The following SMAD3 variants were observed in gnomAD, a reference collection of about 807,000 sequenced individuals.
SMAD3 encodes SMAD family member 3, also known as MAD homolog 3.
In SMAD3, 12 loss-of-function variants were observed where a neutral mutation model predicts 51.8. The observed-to-expected ratio is 0.23, with a 90% CI of 0.15 to 0.38. The LOEUF (loss-of-function observed/expected upper bound fraction) is 0.38, where lower values mean the gene tolerates loss of function less well. Among genes scored for constraint, SMAD3 ranks in the 10% least tolerant of loss-of-function variants. The pLI is 1.00. For missense variants in SMAD3, 294 were observed against 565.6 expected, an observed-to-expected ratio of 0.52 and a Z score of 4.87; for synonymous variants, 238 against 227.7, an observed-to-expected ratio of 1.05 and a Z score of -0.41.
At chr15:67,101,126 A>G (rs1319521325) in intron 1 of SMAD3, among the ~76,000 whole-genome samples, 1 of 152,192 alleles carries the variant, frequency 6.6e-6, no homozygotes, top group Non-Finnish European at 1.5e-5. Context: ...TGTCTAGAAC[A>G]ATTCCTGTTG....
chr15:67,103,070 T>G (rs1331066751), intron 1 of SMAD3, among the ~76,000 whole-genome samples: 2 of 152,206 alleles, frequency 1.3e-5, no homozygotes, highest in African/African-American at 4.8e-5. Context: ...CATTTTTGAA[T>G]GCATTAATTT....
chr15:67,089,316 C>A (rs1424737595), intron 1 of SMAD3, among the ~76,000 whole-genome samples: 1 of 152,122 alleles, frequency 6.6e-6, no homozygotes, highest in African/African-American at 2.4e-5. Flanking sequence ...GAAAAATGAG[C>A]CAAATTTCCT....
intron 1 of SMAD3, among the ~76,000 whole-genome samples, chr15:67,130,712 C>T (rs1254153987): frequency 6.6e-6 from 1 of 152,230 alleles, no homozygotes; most frequent in Non-Finnish European, 1.5e-5. Flanking sequence ...ACAGGAAGGA[C>T]ACCATGGGCT....
At chr15:67,093,464 G>C (rs1313818245) in intron 1 of SMAD3, among the ~76,000 whole-genome samples, 3 of 152,204 alleles carry the variant, frequency 2.0e-5, no homozygotes, top group Non-Finnish European at 4.4e-5. Context: ...GATTGTGACT[G>C]TCACGCTCCT....
intron 1 of SMAD3, among the ~76,000 whole-genome samples, chr15:67,121,920 C>A (rs575327821): frequency 1.3e-5 from 2 of 152,178 alleles, no homozygotes; most frequent in Non-Finnish European, 2.9e-5. Context: ...CTATATTGTC[C>A]GATACCTATC....
chr15:67,145,099 T>G (rs893806081), intron 1 of SMAD3, among the ~76,000 whole-genome samples: 1 of 152,178 alleles, frequency 6.6e-6, no homozygotes, highest in Non-Finnish European at 1.5e-5. Context: ...CATTGTTCAG[T>G]CACGTTCTCC....
intron 1 of SMAD3, among the ~76,000 whole-genome samples, chr15:67,149,500 G>A (rs751847370): frequency 1.3e-5 from 2 of 152,154 alleles, no homozygotes; most frequent in East Asian, 3.8e-4. Context: ...TGATGAGGCC[G>A]GCTTAATCGA....
In SMAD3 at chr15:67,164,817, A is replaced by G. The variant is rs896055828; in HGVS notation, c.207-78A>G. 20 of 1,474,638 alleles carry G rather than the reference A, an allele frequency of 1.4e-5. No homozygotes were observed. The Admixed American group carries it at 3.3e-4, about 25-fold the overall frequency. The allele number at this position is 1,474,638 out of a possible 1,614,324, so 91.3% of individuals were successfully genotyped here. ...GGAGAGAGAGCTTTCCAAGTGTCTG[A>G]AAGTAGGAGGCCGGACTCTGCAGAA... On this transcript the variant is annotated intron_variant, in intron 1 of 8. Coordinates refer to ENST00000327367, the MANE Select transcript of SMAD3 (RefSeq NM_005902.4).
Position 67,066,290 on chromosome 15 carries a change from G to A in SMAD3, c.136G>A (p.Gly46Arg), listed in dbSNP as rs1272831962. The A allele has an allele frequency of 6.2e-7, 1 of 1,613,658 alleles. No homozygotes were observed. The highest frequency in any genetic ancestry group is 8.5e-7 in the Non-Finnish European group (1 of 1,179,880). The change falls in exon 1 of 9, where the codon GGG becomes AGG. Residue 46 changes from glycine to arginine, a missense_variant. Gly to Arg is a moderately radical substitution (Grantham distance 125). Around this residue, in one of 3 missense-constraint regions of SMAD3, gnomAD observed 147 missense variants for 260.9 expected, o/e 0.56. Coordinates refer to ENST00000327367, the MANE Select transcript of SMAD3 (RefSeq NM_005902.4). ...KSLVKKLKKT[G>R]QLDELEKAIT... ...CCTGGTCAAGAAACTCAAGAAGACG[G>A]GGCAGCTGGACGAGCTGGAGAAGGC...
intron 1 of SMAD3, among the ~76,000 whole-genome samples, chr15:67,086,731 A>C (rs569621719): frequency 6.6e-6 from 1 of 152,146 alleles, no homozygotes; most frequent in Non-Finnish European, 1.5e-5. Flanking sequence ...CAGGAACTAT[A>C]GTGTCACGTG....
In SMAD3 at chr15:67,106,766, T is replaced by G. The variant is rs117925867; in HGVS notation, c.206+40406T>G. ...TACCCGCGTGGTAGCCACTGAGCAC[T>G]GGCTCTTCCTGGCTTCACTCTCTGG... On this transcript the variant is annotated intron_variant, in intron 1 of 8. Transcript: ENST00000327367. Among the ~76,000 whole-genome samples, 202 of 152,328 alleles carry G rather than the reference T, an allele frequency of 1.3e-3. 3 individuals are homozygous for G. In the East Asian group the frequency reaches 0.032, roughly 24 times the overall value.
chr15:67,138,307 T>A, intron 1 of SMAD3: 2 of 526,174 alleles, frequency 3.8e-6, no homozygotes, highest in African/African-American at 1.9e-5. Context: ...GCCCTCTGCC[T>A]GGTTCTGGGC....
intron 4 of SMAD3, among the ~76,000 whole-genome samples, chr15:67,167,285 T>A (rs1962618014): frequency 6.6e-6 from 1 of 152,158 alleles, no homozygotes; most frequent in African/African-American, 2.4e-5. Context: ...TGGTGCATTC[T>A]GGGGACAGTA....
At chr15:67,179,093 A>G (rs1337536796) in intron 5 of SMAD3, among the ~76,000 whole-genome samples, 1 of 152,194 alleles carries the variant, frequency 6.6e-6, no homozygotes, top group Non-Finnish European at 1.5e-5. Context: ...CTGTCCAGAA[A>G]CAGCGCCGAG....
At chr15:67,074,944 A>T (rs1288457442) in intron 1 of SMAD3, among the ~76,000 whole-genome samples, 1 of 152,144 alleles carries the variant, frequency 6.6e-6, no homozygotes, top group Non-Finnish European at 1.5e-5. Flanking sequence ...CAGAGTTATG[A>T]ATCTGGTCCC....
intron 5 of SMAD3, among the ~76,000 whole-genome samples, chr15:67,175,802 C>T (rs1055856937): frequency 5.9e-5 from 9 of 152,214 alleles, no homozygotes; most frequent in Admixed American, 2.0e-4. Context: ...GTGTGGACGG[C>T]GGCCCAGGGC....
At chr15:67,160,275 C>G (rs769311568) in intron 1 of SMAD3, among the ~76,000 whole-genome samples, 17 of 152,224 alleles carry the variant, frequency 1.1e-4, no homozygotes, top group Non-Finnish European at 2.2e-4. Flanking sequence ...GAAGGGAGTT[C>G]CAGTTGTTCC....
intron 1 of SMAD3, among the ~76,000 whole-genome samples, chr15:67,105,269 G>A (rs981655257): frequency 2.0e-5 from 3 of 152,156 alleles, no homozygotes; most frequent in East Asian, 1.9e-4. Context: ...CTTCCTCTGC[G>A]TTCTACAGGG....
At chr15:67,081,086 T>C (rs1960270947) in intron 1 of SMAD3, among the ~76,000 whole-genome samples, 1 of 152,208 alleles carries the variant, frequency 6.6e-6, no homozygotes, top group African/African-American at 2.4e-5. Flanking sequence ...GGCACCTGTT[T>C]GGAGAGCTTC....
Sources: allele counts gnomAD v4.1 joint callset (sites outside exome capture counted in the v4.1 genomes callset), GRCh38; gene constraint gnomAD v4.1.1; regional missense constraint gnomAD v4.1.1; transcripts MANE v1.5; gene names NCBI Gene and HGNC (gene_info 2026-07-23, HGNC 2026-07-21).